Variants in FOXO1 observed in about 807,000 individuals in gnomAD.
The protein encoded by FOXO1 is forkhead box protein O1.
FOXO1 carries 6 observed loss-of-function variants against 44.1 expected under a neutral mutation model. The ratio of observed to expected loss-of-function variants is 0.14; its 90% CI spans 0.07 to 0.27. The LOEUF (loss-of-function observed/expected upper bound fraction) is 0.27. FOXO1 is among the 10% of genes least tolerant of loss of function. The pLI, the probability that FOXO1 is intolerant of heterozygous loss-of-function variation, is 1.00. For missense variants in FOXO1, 737 were observed against 888.8 expected, an observed-to-expected ratio of 0.83 and a Z score of 2.17; for synonymous variants, 380 against 362.7, an observed-to-expected ratio of 1.05 and a Z score of -0.54.
chr13:40,562,461 T>G (rs1325404734), intron 1 of FOXO1, among the ~76,000 whole-genome samples: 1 of 152,182 alleles, frequency 6.6e-6, no homozygotes, highest in African/African-American at 2.4e-5. Context: ...TGTCTTAAGT[T>G]TCCTCACCTG....
intron 1 of FOXO1, chr13:40,618,803 T>C: frequency 1.9e-6 from 1 of 523,992 alleles, no homozygotes; most frequent in South Asian, 1.4e-5. Flanking sequence ...ACCGTAATCA[T>C]TTGTGAAAAT....
In FOXO1 at chr13:40,559,789, G is replaced by T; in HGVS notation, c.1702C>A (p.His568Asn). ...VKTPVQVPLPHPMQMSALGGY... is the reference protein window; with the variant it reads ...VKTPVQVPLPNPMQMSALGGY... The stretch of plus-strand genomic sequence containing the variant: ...CCCAGGGCACTCATCTGCATGGGGT[G>T]GGGCAGAGGCACTTGTACAGGTGTC... Residue 568 changes from histidine to asparagine, a missense_variant, in exon 2 of 3, where the codon CAC becomes AAC. His to Asn is a moderately conservative substitution (Grantham distance 68). This residue lies in a region of FOXO1 where 283 missense variants were observed against 278.1 expected (regional missense o/e 1.02). Coordinates refer to ENST00000379561, the MANE Select transcript of FOXO1 (RefSeq NM_002015.4). 6.2e-7 allele frequency: 1 copy of T among 1,613,828 alleles called. No individual in the cohort carries two copies. Among genetic ancestry groups the T allele is most frequent in the Non-Finnish European group, 8.5e-7 (1 of 1,179,830 alleles).
Position 40,665,761 on chromosome 13 carries a change from T to C in FOXO1, c.452A>G (p.Lys151Arg). Reference sequence around the variant, plus strand: ...CGCGTTGCGGCGGGACGAGCTGCTCTTGCGCGGCTGCCCCGCGAGCGGCCC... The same window carrying C: ...CGCGTTGCGGCGGGACGAGCTGCTCCTGCGCGGCTGCCCCGCGAGCGGCCC... ...AAGPLAGQPR[K>R]SSSSRRNAWG... is the part of the protein sequence containing the mutation. Residue 151 changes from lysine (K) to arginine (R), a missense_variant, in exon 1 of 3, where the codon AAG becomes AGG. Around this residue, in one of 7 missense-constraint regions of FOXO1, gnomAD observed 213 missense variants for 236.4 expected, o/e 0.90. Coordinates refer to ENST00000379561, the MANE Select transcript of FOXO1 (RefSeq NM_002015.4). 1.5e-6 allele frequency: 2 copies of C among 1,376,842 alleles called. No homozygotes were observed. The highest frequency in any genetic ancestry group is 1.9e-6 in the Non-Finnish European group (2 of 1,048,214). The allele number at this position is 1,376,842 out of a possible 1,614,324, so 85.3% of individuals were successfully genotyped here. A position where few individuals can be genotyped will look rare whatever the true frequency, so the allele number is the denominator to read the frequency against.
chr13:40,614,389 G>C (rs1876340884), intron 1 of FOXO1, among the ~76,000 whole-genome samples: 1 of 152,164 alleles, frequency 6.6e-6, no homozygotes, highest in Non-Finnish European at 1.5e-5. Flanking sequence ...CAACACAATG[G>C]CACCATATTT....
In FOXO1 at chr13:40,560,006, G is replaced by A. The variant is rs151230081; in HGVS notation, c.1485C>T (p.Asn495=). 32 of 1,614,048 alleles carry A rather than the reference G, an allele frequency of 2.0e-5. No homozygotes were observed. The highest frequency in any genetic ancestry group is 6.7e-5 in the East Asian group (3 of 44,894). The change falls in exon 2 of 3, where the codon AAC becomes AAT. Residue 495 remains asparagine, a synonymous_variant. Coordinates refer to ENST00000379561, the MANE Select transcript of FOXO1 (RefSeq NM_002015.4). The surrounding 1 kb of genome is among the most constrained non-coding windows in gnomAD (Gnocchi z 5.1). ...AQPNSRVLGQ[N]VMMGPNSVMS... ...TGACCGAATTAGGGCCCATCATGACGTTCTGGCCCAGAACCCGGCTGTTGG... is the reference window on the plus strand; with the variant it reads ...TGACCGAATTAGGGCCCATCATGACATTCTGGCCCAGAACCCGGCTGTTGG...
chr13:40,577,796 T>C (rs765589385), intron 1 of FOXO1, among the ~76,000 whole-genome samples: 8 of 150,776 alleles, frequency 5.3e-5, no homozygotes, highest in Middle Eastern at 3.4e-3. Context: ...AAGCAGAACA[T>C]AACAGAATGA....
intron 1 of FOXO1, among the ~76,000 whole-genome samples, chr13:40,592,522 A>C (rs1394461285): frequency 6.6e-6 from 1 of 152,172 alleles, no homozygotes; most frequent in Non-Finnish European, 1.5e-5. Context: ...TGATTACTAC[A>C]TTCCTCCCAA....
chr13:40,666,429 G>A lies in FOXO1; in HGVS notation c.-217C>T. 4.9e-6 allele frequency: 2 copies of A among 405,412 alleles called. No homozygotes were observed. Among genetic ancestry groups the A allele is most frequent in the Non-Finnish European group, 8.7e-6 (2 of 229,092 alleles). The allele number at this position is 405,412 out of a possible 1,614,324, so 25.1% of individuals were successfully genotyped here. ...GCCATCCACATCGAGGCTCCTCGGG[G>A]TCCGCCGCACGGACTGGACGGCCGG... is the stretch of plus-strand genomic sequence containing the variant. On this transcript the variant is annotated 5_prime_UTR_variant, in exon 1 of 3. Transcript: ENST00000379561.
chr13:40,587,266 T>TAAAAAAAA (rs34831498), intron 1 of FOXO1, among the ~76,000 whole-genome samples: 1 of 89,026 alleles, frequency 1.1e-5, no homozygotes, highest in Non-Finnish European at 2.8e-5. Context: ...CAGAACAAAG[T>TAAAAAAAA]AAAAAAAAAA....
intron 1 of FOXO1, among the ~76,000 whole-genome samples, chr13:40,648,593 A>G (rs555201302): frequency 6.6e-6 from 1 of 152,308 alleles, no homozygotes; most frequent in East Asian, 1.9e-4. Context: ...TTCCAATTTT[A>G]CTTTTTTCCT....
At chr13:40,581,418 TTTAA>T (rs1203497817) in intron 1 of FOXO1, among the ~76,000 whole-genome samples, 2 of 152,232 alleles carry the variant, frequency 1.3e-5, no homozygotes, top group African/African-American at 4.8e-5. Context: ...TCAACAGAAC[TTTAA>T]TTAGCCCCCA....
chr13:40,605,575 C>A (rs560115964), intron 1 of FOXO1, among the ~76,000 whole-genome samples: 3 of 152,260 alleles, frequency 2.0e-5, no homozygotes, highest in African/African-American at 4.8e-5. Context: ...TGCTCCTCCC[C>A]CTGAATCTCC....
At chr13:40,660,154 T>C (rs558272374) in intron 1 of FOXO1, among the ~76,000 whole-genome samples, 9 of 152,330 alleles carry the variant, frequency 5.9e-5, no homozygotes, top group African/African-American at 1.9e-4. Flanking sequence ...CTTGGTTATA[T>C]GACCCCAGGG....
intron 1 of FOXO1, among the ~76,000 whole-genome samples, chr13:40,650,131 C>T (rs1016843149): frequency 4.1e-5 from 6 of 145,690 alleles, no homozygotes; most frequent in Non-Finnish European, 8.9e-5. Flanking sequence ...GTGGATTATT[C>T]ATGCCTCCCC....
intron 1 of FOXO1, among the ~76,000 whole-genome samples, chr13:40,598,029 C>T (rs1162093250): frequency 6.6e-6 from 1 of 152,158 alleles, no homozygotes; most frequent in South Asian, 2.1e-4. Flanking sequence ...CAATTTCCAA[C>T]TTGGACTTTT....
At chr13:40,649,405 A>G (rs915221805) in intron 1 of FOXO1, among the ~76,000 whole-genome samples, 1 of 152,204 alleles carries the variant, frequency 6.6e-6, no homozygotes, top group African/African-American at 2.4e-5. Context: ...GAGGCCCCCA[A>G]GTTGTCAATC....
chr13:40,564,725 G>C (rs1566062406), intron 1 of FOXO1, among the ~76,000 whole-genome samples: 1 of 152,208 alleles, frequency 6.6e-6, no homozygotes, highest in Non-Finnish European at 1.5e-5. Context: ...TCAGGACAGA[G>C]GTTCATGCCC....
At chr13:40,663,808 T>G (rs1878124086) in intron 1 of FOXO1, among the ~76,000 whole-genome samples, 2 of 152,356 alleles carry the variant, frequency 1.3e-5, no homozygotes, top group South Asian at 4.1e-4. Flanking sequence ...CTTGAATTCC[T>G]TCTAAAGGAA....
At chr13:40,596,146 T>C (rs1177289108) in intron 1 of FOXO1, among the ~76,000 whole-genome samples, 1 of 152,118 alleles carries the variant, frequency 6.6e-6, no homozygotes, top group Non-Finnish European at 1.5e-5. Context: ...AGTCTTCTTA[T>C]TAAATGGCCA....
Sources: gnomAD v4.1 joint callset for allele counts (sites outside exome capture counted in the v4.1 genomes callset) on GRCh38, gnomAD v4.1.1 for gene constraint, gnomAD v4.1.1 regional missense constraint, Gnocchi (gnomAD v3.1) non-coding constraint, MANE v1.5 for transcripts, NCBI Gene and HGNC (gene_info 2026-07-23, HGNC 2026-07-21) for gene names.